The following PON1 variants were observed in gnomAD, a reference collection of about 807,000 sequenced individuals.
The protein encoded by PON1 is serum paraoxonase/arylesterase 1.
In PON1, 37 loss-of-function variants were observed where a neutral mutation model predicts 39.2. The ratio of observed to expected loss-of-function variants is 0.94; its 90% CI spans 0.73 to 1.24. PON1 has a LOEUF of 1.24. Ranked by LOEUF, PON1 falls within the 50% of genes most tolerant of loss-of-function variation. The probability of loss-of-function intolerance (pLI) is 0.00; values close to 1 mark genes in which losing one functional copy is unlikely to be tolerated. For missense variants in PON1, 397 were observed against 413.5 expected (o/e 0.96, Z 0.35); for synonymous variants, 148 against 152.2 (o/e 0.97, Z 0.21).
chr7:95,298,177 T>C lies in PON1; in HGVS notation c.*767A>G, dbSNP rs956042786. ...CATGTCAATTATGGGATTCATTCTG[T>C]ATCCAGTCATCGAAGTGAACAAACT... On this transcript the variant is annotated 3_prime_UTR_variant, in exon 9 of 9. Coordinates refer to ENST00000222381, the MANE Select transcript of PON1 (RefSeq NM_000446.7). 6.6e-6 allele frequency: 1 copy of C among 152,644 alleles called. No homozygotes were observed. The highest frequency in any genetic ancestry group is 2.4e-5 in the African/African-American group (1 of 41,460). 9.5% of individuals were successfully genotyped at this position (152,644 alleles called of 1,614,324 possible).
rs900986438 is a variant in PON1 at position 95,323,728 on chromosome 7, G to A, written c.74+674C>T. Among the ~76,000 whole-genome samples the A allele has an allele frequency of 2.6e-5, 4 of 152,050 alleles. No homozygotes were observed. The South Asian group carries it at 8.3e-4, about 32-fold the overall frequency. On this transcript the variant is annotated intron_variant, in intron 1 of 8. Transcript: ENST00000222381. Reference sequence around the variant, plus strand: ...ACATTTATTGAATAGCTACTCTGTCGCAGGCAGTGTGTATTACTATTTCCA... The same window carrying A: ...ACATTTATTGAATAGCTACTCTGTCACAGGCAGTGTGTATTACTATTTCCA...
In PON1 at chr7:95,307,936, T is replaced by C. The variant is rs1319095109; in HGVS notation, c.698+75A>G. On this transcript the variant is annotated intron_variant, in intron 6 of 8. Coordinates refer to ENST00000222381, the MANE Select transcript of PON1 (RefSeq NM_000446.7). ...AACATGTTAAAATGTATCATATTAC[T>C]TAAAAAAAGAATATATTCCAAGATA... The C allele has an allele frequency of 3.6e-6, 5 of 1,377,874 alleles. No homozygotes were observed. The East Asian group carries it at 1.2e-4, about 33-fold the overall frequency. The allele number at this position is 1,377,874 out of a possible 1,614,324, so 85.4% of individuals were successfully genotyped here.
At chr7:95,322,323 T>TATA (rs372198964) in intron 1 of PON1, among the ~76,000 whole-genome samples, 1,444 of 58,230 alleles carry the variant, frequency 0.025, 23 homozygotes, top group African/African-American at 0.071. Context: ...TAAATATAAA[T>TATA]ATATGTATGT....
intron 8 of PON1, 91 bp downstream of exon 8, chr7:95,302,114 A>AAAAAAAAAAAAAAAAAAC (rs1807444325): frequency 1.3e-6 from 1 of 761,716 alleles, no homozygotes; most frequent in Non-Finnish European, 1.8e-6. Flanking sequence ...AAAAAAAAAA[A>AAAAAAAAAAAAAAAAAAC]AAAAAAACCA....
intron 2 of PON1, among the ~76,000 whole-genome samples, chr7:95,317,447 A>G (rs1807792322): frequency 6.6e-6 from 1 of 151,992 alleles, no homozygotes; most frequent in African/African-American, 2.4e-5. Flanking sequence ...GTGATATTTG[A>G]TATCAATATC....
chr7:95,309,961 T>C (rs1235201410), intron 5 of PON1, among the ~76,000 whole-genome samples: 3 of 152,204 alleles, frequency 2.0e-5, no homozygotes, highest in Non-Finnish European at 4.4e-5. Context: ...TCTCCAATGC[T>C]GCCTAAGACC....
In PON1 at chr7:95,324,513, C is replaced by T; in HGVS notation, c.-38G>A. On this transcript the variant is annotated 5_prime_UTR_variant, in exon 1 of 9. In the 5' UTR this introduces an upstream ATG that the reference lacks. Coordinates refer to ENST00000222381, the MANE Select transcript of PON1 (RefSeq NM_000446.7). ...ACAAAGGGATCGATGGGCGCAGACA[C>T]CGACGGGCTAGGAGGCTCTGCCTGC... 6.3e-7 allele frequency: 1 copy of T among 1,596,332 alleles called. No homozygotes were observed. Among genetic ancestry groups the T allele is most frequent in the Non-Finnish European group, 8.6e-7 (1 of 1,165,178 alleles).
chr7:95,299,140 A>C (rs769312788), intron 8 of PON1, 38 bp from the exon 9 acceptor site: 13 of 1,599,088 alleles, frequency 8.1e-6, no homozygotes, highest in Non-Finnish European at 1.1e-5. Flanking sequence ...ATTTTTGTTA[A>C]GTCACTTAAA....
chr7:95,308,694 T>TAA (rs1807594762), intron 5 of PON1, among the ~76,000 whole-genome samples: 1 of 152,212 alleles, frequency 6.6e-6, no homozygotes, highest in Non-Finnish European at 1.5e-5. Flanking sequence ...GCTCTGCTAC[T>TAA]ATTAGCTGTG....
At chr7:95,308,628 A>G (rs184982839) in intron 5 of PON1, among the ~76,000 whole-genome samples, 1 of 152,128 alleles carries the variant, frequency 6.6e-6, no homozygotes, top group Non-Finnish European at 1.5e-5. Context: ...ACTAACTCCC[A>G]TAAGAAATTG....
chr7:95,308,192 C>G lies in PON1; in HGVS notation c.517G>C (p.Val173Leu). The change falls in exon 6 of 9, where the codon GTG becomes CTG. Residue 173 changes from valine to leucine, a missense_variant. Coordinates refer to ENST00000222381, the MANE Select transcript of PON1 (RefSeq NM_000446.7). ...GTGCCATAAAAGTGCTCAGGTCCCA[C>G]AGCAACAATATCATTCAAACTGCAA... ...LLPNLNDIVA[V>L]GPEHFYGTND... 1 of 1,613,734 alleles carries G rather than the reference C, an allele frequency of 6.2e-7. No homozygotes were observed. The highest frequency in any genetic ancestry group is 8.5e-7 in the Non-Finnish European group (1 of 1,179,906).
chr7:95,308,865 C>CT (rs994237667), intron 5 of PON1, among the ~76,000 whole-genome samples: 195 of 145,832 alleles, frequency 1.3e-3, no homozygotes, highest in African/African-American at 3.1e-3. Flanking sequence ...AATGCTATGG[C>CT]TTTTTTTTTT....
chr7:95,298,956 G>C lies in PON1; in HGVS notation c.1056C>G (p.Tyr352Ter). The C allele has an allele frequency of 6.2e-7, 1 of 1,614,174 alleles. No homozygotes were observed. Among genetic ancestry groups the C allele is most frequent in the Non-Finnish European group, 8.5e-7 (1 of 1,180,024 alleles). Reference protein sequence around the residue: ...LIGTVFHKALYCEL With the variant: ...LIGTVFHKAL The stretch of plus-strand genomic sequence containing the variant: ...GCAAATCGGTCTGTTAGAGCTCACA[G>C]TAAAGAGCTTTGTGAAACACTGTGC... The change falls in exon 9 of 9, where the codon TAC (tyrosine) becomes TAG (stop). Residue 352 changes from tyrosine to a stop codon, truncating the protein, a stop_gained. Coordinates refer to ENST00000222381, the MANE Select transcript of PON1 (RefSeq NM_000446.7). LOFTEE classifies it high-confidence loss of function.
chr7:95,320,406 C>G (rs1056049618), intron 1 of PON1, among the ~76,000 whole-genome samples: 1 of 152,212 alleles, frequency 6.6e-6, no homozygotes, highest in African/African-American at 2.4e-5. Flanking sequence ...ATTAAGTCAG[C>G]ACTTGTTGAT....
Position 95,323,417 on chromosome 7 carries a change from T to TA in PON1, c.74+984dup, listed in dbSNP as rs559668683. On this transcript the variant is annotated intron_variant, in intron 1 of 8. Coordinates refer to ENST00000222381, the MANE Select transcript of PON1 (RefSeq NM_000446.7). The stretch of plus-strand genomic sequence containing the variant: ...TACTTTTTTTCTGCACTCTGTAACT[T>TA]AAAAAAATTAGAAAAACATCCACAA... 1.5e-3 allele frequency among the ~76,000 whole-genome samples: 231 copies of TA among 152,252 alleles called. 1 individual carries two copies. The highest frequency in any genetic ancestry group is 6.8e-3 in the Middle Eastern group (2 of 294).
At position 95,298,686 on chromosome 7, in the gene PON1, CTG is replaced by C. The variant is rs1439344543; in HGVS notation, c.*256_*257del. On this transcript the variant is annotated 3_prime_UTR_variant, in exon 9 of 9. Coordinates refer to ENST00000222381, the MANE Select transcript of PON1 (RefSeq NM_000446.7). ...ATTTAATATCTGACAATTGACATAACTGATTTATCCATTTTAGTGAGAAGGAT... is the reference window on the plus strand; with the variant it reads ...ATTTAATATCTGACAATTGACATAACATTTATCCATTTTAGTGAGAAGGAT... 2.2e-5 allele frequency: 12 copies of C among 541,960 alleles called. No individual in the cohort carries two copies. The highest frequency in any genetic ancestry group is 4.0e-5 in the Non-Finnish European group (12 of 301,500). 33.6% of individuals were successfully genotyped at this position (541,960 alleles called of 1,614,324 possible).
chr7:95,320,441 C>T (rs1319886737), intron 1 of PON1, among the ~76,000 whole-genome samples: 1 of 152,222 alleles, frequency 6.6e-6, no homozygotes, highest in Non-Finnish European at 1.5e-5. Flanking sequence ...GTGGCCCAAA[C>T]ATGTCATATC....
intron 5 of PON1, 32 bp downstream of exon 5, chr7:95,311,419 A>AAG (rs1468248800): frequency 1.2e-6 from 2 of 1,612,956 alleles, no homozygotes; most frequent in African/African-American, 2.7e-5. Context: ...GCTACAGCTA[A>AAG]AGGAAAATAG....
At chr7:95,312,296 C>T (rs1482208621) in intron 4 of PON1, among the ~76,000 whole-genome samples, 9 of 152,142 alleles carry the variant, frequency 5.9e-5, no homozygotes, top group Admixed American at 1.3e-4. Flanking sequence ...CAGGTTCAAG[C>T]GATTCTCCTG....
Sources: allele counts gnomAD v4.1 joint callset (sites outside exome capture counted in the v4.1 genomes callset), GRCh38; gene constraint gnomAD v4.1.1; transcripts MANE v1.5; gene names NCBI Gene and HGNC (gene_info 2026-07-23, HGNC 2026-07-21).